The following CLASP1 variants were observed in gnomAD, a reference collection of about 807,000 sequenced individuals.
CLASP1 encodes the protein cytoplasmic linker associated protein 1.
CLASP1 carries 38 observed loss-of-function variants against 192.3 expected under a neutral mutation model. The ratio of observed to expected loss-of-function variants is 0.20; its 90% CI spans 0.15 to 0.26. The LOEUF (loss-of-function observed/expected upper bound fraction) is 0.26. Ranked by LOEUF, CLASP1 falls within the 10% of genes least tolerant of loss-of-function variation. CLASP1 has a pLI of 1.00. For synonymous variants in CLASP1, 691 were observed against 712.8 expected, an observed-to-expected ratio of 0.97 and a Z score of 0.49; for missense variants, 1,433 against 1,932.5, an observed-to-expected ratio of 0.74 and a Z score of 4.85.
chr2:121,359,977 C>T (rs2066062502), intron 37 of CLASP1, among the ~76,000 whole-genome samples: 1 of 152,196 alleles, frequency 6.6e-6, no homozygotes, highest in Non-Finnish European at 1.5e-5. Context: ...TATGAGAAAA[C>T]AAGCCATCTT....
intron 2 of CLASP1, among the ~76,000 whole-genome samples, chr2:121,576,187 A>G (rs2060501255): frequency 6.6e-6 from 1 of 152,010 alleles, no homozygotes; most frequent in Non-Finnish European, 1.5e-5. Context: ...TGTTACAGGT[A>G]AAATTTTTTT....
chr2:121,396,046 G>C (rs2075233434), intron 30 of CLASP1, among the ~76,000 whole-genome samples: 1 of 150,808 alleles, frequency 6.6e-6, no homozygotes, highest in South Asian at 2.1e-4. Flanking sequence ...AAAAACAACA[G>C]AGTGTCTACG....
At chr2:121,606,203 G>C in intron 1 of CLASP1, 23 bp from the exon 2 acceptor site, 1 of 449,300 alleles carries the variant, frequency 2.2e-6, no homozygotes, top group Non-Finnish European at 3.9e-6. Context: ...AGAAGAGAAC[G>C]ACAAATTAGC....
intron 2 of CLASP1, among the ~76,000 whole-genome samples, chr2:121,547,329 T>C (rs185454558): frequency 1.3e-5 from 2 of 152,188 alleles, no homozygotes; most frequent in East Asian, 3.9e-4. Context: ...GCACAGACCC[T>C]AACTGCCTTA....
chr2:121,495,898 T>C (rs1199804879), intron 8 of CLASP1, among the ~76,000 whole-genome samples: 1 of 152,218 alleles, frequency 6.6e-6, no homozygotes, highest in Non-Finnish European at 1.5e-5. Context: ...ATCTCATTTA[T>C]TCTCCACAAA....
intron 2 of CLASP1, among the ~76,000 whole-genome samples, chr2:121,552,236 C>T (rs2058107223): frequency 6.6e-6 from 1 of 152,068 alleles, no homozygotes; most frequent in African/African-American, 2.4e-5. Flanking sequence ...ACTATAAAAA[C>T]CCTGGAAGAC....
chr2:121,424,581 C>T (rs559109063), intron 22 of CLASP1, among the ~76,000 whole-genome samples: 1 of 152,296 alleles, frequency 6.6e-6, no homozygotes, highest in South Asian at 2.1e-4. Flanking sequence ...CATGATTCTA[C>T]ACACTATTAC....
At chr2:121,479,048 C>CACA (rs1559371146) in intron 8 of CLASP1, among the ~76,000 whole-genome samples, 8 of 81,838 alleles carry the variant, frequency 9.8e-5, no homozygotes, top group Admixed American at 1.1e-4. Context: ...CACACACACA[C>CACA]CCCCCCCCCA....
At chr2:121,521,968 G>A (rs1023188901) in intron 6 of CLASP1, among the ~76,000 whole-genome samples, 1 of 152,124 alleles carries the variant, frequency 6.6e-6, no homozygotes, top group Non-Finnish European at 1.5e-5. Flanking sequence ...TAGTAGGAAA[G>A]ATTAATGAAA....
chr2:121,380,564 A>G (rs1558957271), intron 33 of CLASP1, among the ~76,000 whole-genome samples: 1 of 152,158 alleles, frequency 6.6e-6, no homozygotes, highest in Non-Finnish European at 1.5e-5. Context: ...GAGGGAGGAG[A>G]ACATGGGGTC....
At chr2:121,358,234 G>C in intron 37 of CLASP1, among the ~76,000 whole-genome samples, 1 of 152,154 alleles carries the variant, frequency 6.6e-6, no homozygotes, top group East Asian at 1.9e-4. Context: ...TTGGGCCTAG[G>C]GAAAACTGAA....
At chr2:121,561,628 G>A (rs149538748) in intron 2 of CLASP1, among the ~76,000 whole-genome samples, 6 of 152,122 alleles carry the variant, frequency 3.9e-5, no homozygotes. Flanking sequence ...ATTTCATAAT[G>A]TTTTAACAAA....
At chr2:121,444,868 G>A (rs1055752876) in intron 19 of CLASP1, 45 of 1,030,970 alleles carry the variant, frequency 4.4e-5, no homozygotes, top group Non-Finnish European at 5.8e-5. Context: ...GTGGGTACTG[G>A]GCAACACTCG....
At chr2:121,456,867 C>A (rs1293444554) in intron 14 of CLASP1, among the ~76,000 whole-genome samples, 1 of 152,118 alleles carries the variant, frequency 6.6e-6, no homozygotes, top group African/African-American at 2.4e-5. Flanking sequence ...GTTGCCCAAG[C>A]CTGCCAGTAA....
chr2:121,340,001 T>C (rs1378732542), exon 40 of CLASP1: 1 of 152,226 alleles, frequency 6.6e-6, no homozygotes. Context: ...AGAGCCCCCA[T>C]GACAACAGTG....
Position 121,432,563 on chromosome 2 carries a change from T to C in CLASP1, c.1913-2386A>G, listed in dbSNP as rs1270272220. Among the ~76,000 whole-genome samples, 10 of 152,358 alleles carry C rather than the reference T, an allele frequency of 6.6e-5. No individual in the cohort carries two copies. In the East Asian group the frequency reaches 1.9e-3, roughly 29 times the overall value. On this transcript the variant is annotated intron_variant, in intron 19 of 39. Transcript: ENST00000263710. The stretch of plus-strand genomic sequence containing the variant: ...AATGTTGACTGGCATTATGTGAAAC[T>C]CTGGGTTAAGGGGAAAAGCTTTATA...
At chr2:121,468,028 C>T (rs1575146277) in intron 9 of CLASP1, among the ~76,000 whole-genome samples, 1 of 152,210 alleles carries the variant, frequency 6.6e-6, no homozygotes, top group South Asian at 2.1e-4. Flanking sequence ...TCTCCCAGCA[C>T]CATTTATTAA....
intron 12 of CLASP1, 181 bp downstream of exon 12, chr2:121,459,799 C>T: frequency 2.2e-6 from 1 of 447,472 alleles, no homozygotes; most frequent in Non-Finnish European, 3.8e-6. Flanking sequence ...ATCTGTCACA[C>T]TTCACATAAT....
intron 37 of CLASP1, among the ~76,000 whole-genome samples, chr2:121,356,512 G>C (rs1445222936): frequency 6.6e-6 from 1 of 152,192 alleles, no homozygotes; most frequent in East Asian, 1.9e-4. Flanking sequence ...TCTGGTTCTG[G>C]CATCAACTAG....
Sources: gnomAD v4.1 joint callset for allele counts (sites outside exome capture counted in the v4.1 genomes callset) on GRCh38, gnomAD v4.1.1 for gene constraint, MANE v1.5 for transcripts, NCBI Gene and HGNC (gene_info 2026-07-23, HGNC 2026-07-21) for gene names.